The following RNF152 variants were observed in gnomAD, a reference collection of about 807,000 sequenced individuals.
The protein encoded by RNF152 is ring finger protein 152.
In RNF152, 11 loss-of-function variants were observed where a neutral mutation model predicts 12.7. That is an observed-to-expected ratio of 0.86 (90% confidence interval 0.54 to 1.43). RNF152 has a LOEUF of 1.43. RNF152 is among the 40% of genes most tolerant of loss of function. RNF152 has a pLI of 0.00. For missense variants in RNF152, 255 were observed against 274.8 expected (o/e 0.93, Z 0.51); for synonymous variants, 113 against 120.3 (o/e 0.94, Z 0.40).
chr18:61,844,235 AG>A, intron 1 of RNF152, among the ~76,000 whole-genome samples: 4 of 93,232 alleles, frequency 4.3e-5, no homozygotes, highest in East Asian at 3.2e-4. Flanking sequence ...GGGAGACGGG[AG>A]GGGAGGGGAG....
At chr18:61,823,889 C>A (rs778254861) in intron 1 of RNF152, among the ~76,000 whole-genome samples, 7 of 152,212 alleles carry the variant, frequency 4.6e-5, no homozygotes, top group Non-Finnish European at 1.0e-4. Context: ...TGCCGTGGAG[C>A]CAAGGGCATC....
At chr18:61,827,302 A>G (rs564895099) in intron 1 of RNF152, among the ~76,000 whole-genome samples, 2 of 152,348 alleles carry the variant, frequency 1.3e-5, no homozygotes, top group East Asian at 3.9e-4. Context: ...CATTGAATAA[A>G]TTGCCCAAAC....
At chr18:61,847,901 T>C (rs1261662498) in intron 1 of RNF152, among the ~76,000 whole-genome samples, 1 of 152,110 alleles carries the variant, frequency 6.6e-6, no homozygotes, top group African/African-American at 2.4e-5. Context: ...CAAATATCAC[T>C]TTCTTCAGAA....
At chr18:61,860,905 G>T (rs1266920218) in intron 1 of RNF152, among the ~76,000 whole-genome samples, 1 of 152,032 alleles carries the variant, frequency 6.6e-6, no homozygotes, top group Non-Finnish European at 1.5e-5. Context: ...AACAAAAAAT[G>T]TTTAAAAGGT....
At chr18:61,816,619 A>G in intron 1 of RNF152, 21 bp from the exon 2 acceptor site, 1 of 701,208 alleles carries the variant, frequency 1.4e-6, no homozygotes, top group South Asian at 2.1e-5. Context: ...CAAATAATGC[A>G]AACAATCTTA....
intron 1 of RNF152, among the ~76,000 whole-genome samples, chr18:61,821,142 T>C (rs1350108908): frequency 6.6e-6 from 1 of 152,222 alleles, no homozygotes; most frequent in Non-Finnish European, 1.5e-5. Flanking sequence ...ATGCAAGTGT[T>C]CTTCCTGGCC....
chr18:61,883,408 T>C (rs563909897), intron 1 of RNF152, among the ~76,000 whole-genome samples: 10 of 152,310 alleles, frequency 6.6e-5, no homozygotes, highest in African/African-American at 2.2e-4. Context: ...AAATATCCCA[T>C]TCCAAAAAGC....
In RNF152 at chr18:61,813,766, AT is replaced by A. The variant is rs897432923; in HGVS notation, c.*2085del. The A allele has an allele frequency of 1.3e-5, 2 of 152,216 alleles. No individual in the cohort carries two copies. Among genetic ancestry groups the A allele is most frequent in the African/African-American group, 4.8e-5 (2 of 41,456 alleles). The allele number at this position is 152,216 out of a possible 1,614,324, so 9.4% of individuals were successfully genotyped here. A position where few individuals can be genotyped will look rare whatever the true frequency, so the allele number is the denominator to read the frequency against. The stretch of plus-strand genomic sequence containing the variant: ...GGGCAAAGTCTATTCGAAATGTAGC[AT>A]TCTTAATGCAACACTTCTGTGGTGT... On this transcript the variant is annotated 3_prime_UTR_variant, in exon 2 of 2. Transcript: ENST00000312828.
chr18:61,822,120 C>T (rs8087749), intron 1 of RNF152, among the ~76,000 whole-genome samples: 41,019 of 151,964 alleles, frequency 0.27, 6,276 homozygotes, highest in Non-Finnish European at 0.35. Context: ...TATATGAGAA[C>T]AATTTTTAAA....
At chr18:61,861,602 G>C (rs1239013427) in intron 1 of RNF152, among the ~76,000 whole-genome samples, 1 of 152,228 alleles carries the variant, frequency 6.6e-6, no homozygotes, top group African/African-American at 2.4e-5. Context: ...AGTGTTGCTA[G>C]ATAGGAATAC....
intron 1 of RNF152, among the ~76,000 whole-genome samples, chr18:61,841,728 T>A (rs1280559370): frequency 6.6e-6 from 1 of 152,224 alleles, no homozygotes; most frequent in South Asian, 2.1e-4. Context: ...AGCCTCTCCA[T>A]GAAACCGCAA....
At chr18:61,822,158 T>C (rs1807437203) in intron 1 of RNF152, among the ~76,000 whole-genome samples, 1 of 152,056 alleles carries the variant, frequency 6.6e-6, no homozygotes, top group South Asian at 2.1e-4. Context: ...TGAGAAAAAC[T>C]TAAAGTCAAG....
chr18:61,868,146 A>G (rs1258210792), intron 1 of RNF152, among the ~76,000 whole-genome samples: 2 of 152,202 alleles, frequency 1.3e-5, no homozygotes, highest in Non-Finnish European at 2.9e-5. Flanking sequence ...CAGCACAGGC[A>G]TTCAGAACAA....
intron 1 of RNF152, among the ~76,000 whole-genome samples, chr18:61,880,222 A>G (rs1599323816): frequency 6.6e-6 from 1 of 152,146 alleles, no homozygotes; most frequent in Non-Finnish European, 1.5e-5. Context: ...CAAACAACCC[A>G]TTCTCTAAGT....
At position 61,809,845 on chromosome 18, in the gene RNF152, C is replaced by A. The variant is rs1236108586; in HGVS notation, c.*6007G>T. 7.9e-6 allele frequency: 1 copy of A among 126,558 alleles called. No homozygotes were observed. Among genetic ancestry groups the A allele is most frequent in the Admixed American group, 9.2e-5 (1 of 10,878 alleles). The allele number at this position is 126,558 out of a possible 1,614,324, so 7.8% of individuals were successfully genotyped here. Reference sequence around the variant, plus strand: ...GATATATATAGTGGGATACCCCAGGCAGTGAATCCTGAAAAAAAAAAAAAA... The same window carrying A: ...GATATATATAGTGGGATACCCCAGGAAGTGAATCCTGAAAAAAAAAAAAAA... On this transcript the variant is annotated 3_prime_UTR_variant, in exon 2 of 2. Transcript: ENST00000312828.
intron 1 of RNF152, among the ~76,000 whole-genome samples, chr18:61,858,546 A>G (rs938290243): frequency 1.3e-5 from 2 of 151,982 alleles, no homozygotes; most frequent in Non-Finnish European, 2.9e-5. Flanking sequence ...ATCACCCTGA[A>G]GGATGCCCTG....
rs374155215 is a variant in RNF152, at chr18:61,860,256, C to G, written c.-136+32539G>C. On this transcript the variant is annotated intron_variant, in intron 1 of 1. Transcript: ENST00000312828. ...AGTTTCTGTTGTTTGAAGCCACCTA[C>G]TTGGTTAAGGCAGCCCTAGAAAACT... 5.3e-4 allele frequency among the ~76,000 whole-genome samples: 81 copies of G among 152,312 alleles called. 2 individuals are homozygous for G. The South Asian group carries it at 0.014, about 26-fold the overall frequency.
intron 1 of RNF152, among the ~76,000 whole-genome samples, chr18:61,826,078 T>C (rs571295318): frequency 6.6e-5 from 10 of 152,298 alleles, no homozygotes; most frequent in African/African-American, 2.4e-4. Flanking sequence ...AAAGCAGTCA[T>C]AGTATCTCAA....
chr18:61,816,317 C>T lies in RNF152; in HGVS notation c.147G>A (p.Val49=). The T allele has an allele frequency of 6.2e-7, 1 of 1,614,226 alleles. No homozygotes were observed. Among genetic ancestry groups the T allele is most frequent in the Non-Finnish European group, 8.5e-7 (1 of 1,180,034 alleles). The change falls in exon 2 of 2, where the codon GTG becomes GTA. Residue 49 remains valine (V), a synonymous_variant. Transcript: ENST00000312828. ...LQQMRTSQKD[V]RCPWCRGVTK... Reference sequence around the variant, plus strand: ...TGACACCGCGGCACCAGGGGCACCGCACATCCTTCTGGCTGGTCCTCATCT... The same window carrying T: ...TGACACCGCGGCACCAGGGGCACCGTACATCCTTCTGGCTGGTCCTCATCT...
Sources: allele counts gnomAD v4.1 joint callset (sites outside exome capture counted in the v4.1 genomes callset), GRCh38; gene constraint gnomAD v4.1.1; transcripts MANE v1.5; gene names NCBI Gene and HGNC (gene_info 2026-07-23, HGNC 2026-07-21).